The following MMP26 variants were observed in gnomAD, a reference collection of about 807,000 sequenced individuals.
MMP26 encodes matrix metallopeptidase 26.
Under a neutral mutation model 31.0 loss-of-function variants are expected in MMP26, and 33 were observed. The ratio of observed to expected loss-of-function variants is 1.06; its 90% confidence interval spans 0.81 to 1.42. MMP26 has a LOEUF of 1.42. Ranked by LOEUF, MMP26 falls within the 40% of genes most tolerant of loss-of-function variation. The pLI, the probability that MMP26 is intolerant of heterozygous loss-of-function variation, is 0.00. For missense variants in MMP26, 347 were observed against 316.1 expected (o/e 1.10, Z -0.74); for synonymous variants, 122 against 114.9 (o/e 1.06, Z -0.40).
rs531560127 is a variant in MMP26, at chr11:4,849,923, G to A, written c.-145+82582G>A. On this transcript the variant is annotated intron_variant, in intron 2 of 7. Transcript: ENST00000380390. ...GTATTTTGTTACATGCATAGAATGT[G>A]AAATGATAAAGTCAGGGTATTTAGG... Among the ~76,000 whole-genome samples, 6 of 152,214 alleles carry A rather than the reference G, an allele frequency of 3.9e-5. No homozygotes were observed. The East Asian group carries it at 1.2e-3, about 29-fold the overall frequency.
At chr11:4,879,722 C>T (rs1401039364) in intron 2 of MMP26, among the ~76,000 whole-genome samples, 8 of 152,028 alleles carry the variant, frequency 5.3e-5, no homozygotes, top group Non-Finnish European at 8.8e-5. Context: ...GTTACTTATG[C>T]GTAGAAGGTA....
chr11:4,739,315 G>T (rs770530433), intron 1 of MMP26, among the ~76,000 whole-genome samples: 1 of 151,996 alleles, frequency 6.6e-6, no homozygotes, highest in Non-Finnish European at 1.5e-5. Context: ...GAGTCTTATT[G>T]CCATGCAGGT....
At chr11:4,891,406 A>G (rs969967991) in intron 2 of MMP26, among the ~76,000 whole-genome samples, 16 of 152,138 alleles carry the variant, frequency 1.1e-4, no homozygotes, top group African/African-American at 3.9e-4. Flanking sequence ...CCCACTCACT[A>G]TCAAGAGGAC....
At chr11:4,837,438 C>T (rs1159720805) in intron 2 of MMP26, among the ~76,000 whole-genome samples, 1 of 152,068 alleles carries the variant, frequency 6.6e-6, no homozygotes, top group Non-Finnish European at 1.5e-5. Context: ...TCTCAAACTC[C>T]TGTACTTAAG....
At chr11:4,966,162 A>G (rs1846591778) in intron 2 of MMP26, among the ~76,000 whole-genome samples, 1 of 152,192 alleles carries the variant, frequency 6.6e-6, no homozygotes, top group Non-Finnish European at 1.5e-5. Flanking sequence ...GACAATAGCT[A>G]TGGGGGTGAC....
At chr11:4,965,857 T>A (rs1846585955) in intron 2 of MMP26, among the ~76,000 whole-genome samples, 1 of 152,208 alleles carries the variant, frequency 6.6e-6, no homozygotes, top group South Asian at 2.1e-4. Context: ...TATATGCAAA[T>A]TCACATCAAC....
intron 2 of MMP26, among the ~76,000 whole-genome samples, chr11:4,862,455 A>T (rs1850175604): frequency 6.6e-6 from 1 of 152,200 alleles, no homozygotes; most frequent in Admixed American, 6.5e-5. Context: ...AGAATCCCTC[A>T]AACTCTGTTC....
At chr11:4,965,829 A>C (rs1846585486) in intron 2 of MMP26, among the ~76,000 whole-genome samples, 1 of 152,204 alleles carries the variant, frequency 6.6e-6, no homozygotes, top group Admixed American at 6.5e-5. Context: ...CTACTGTGGA[A>C]GCATCCATTC....
chr11:4,811,315 A>C, intron 2 of MMP26, among the ~76,000 whole-genome samples: 1 of 152,170 alleles, frequency 6.6e-6, no homozygotes, highest in East Asian at 1.9e-4. Context: ...GTTGTTAAGT[A>C]CAGTACTCAA....
intron 2 of MMP26, among the ~76,000 whole-genome samples, chr11:4,978,623 A>G (rs767773499): frequency 1.3e-5 from 2 of 152,108 alleles, no homozygotes; most frequent in Non-Finnish European, 2.9e-5. Context: ...TTTTCCTCAT[A>G]TTAAAAAAAT....
chr11:4,834,203 G>A (rs867509480), intron 2 of MMP26, among the ~76,000 whole-genome samples: 9 of 152,110 alleles, frequency 5.9e-5, no homozygotes, highest in Non-Finnish European at 8.8e-5. Context: ...AAGGAGGTTC[G>A]TGAGATGTGG....
chr11:4,970,636 G>A (rs1371415791), intron 2 of MMP26, among the ~76,000 whole-genome samples: 1 of 152,314 alleles, frequency 6.6e-6, no homozygotes, highest in Non-Finnish European at 1.5e-5. Flanking sequence ...CTCCTTAGGG[G>A]CAAGTGCTAG....
intron 2 of MMP26, among the ~76,000 whole-genome samples, chr11:4,816,664 ATAAT>A (rs1010612491): frequency 2.0e-5 from 3 of 151,304 alleles, no homozygotes; most frequent in African/African-American, 4.8e-5. Context: ...ATGAAAGGAA[ATAAT>A]TGATTTTCTT....
intron 2 of MMP26, among the ~76,000 whole-genome samples, chr11:4,824,765 G>T (rs73403059): frequency 6.6e-6 from 1 of 152,018 alleles, no homozygotes; most frequent in Non-Finnish European, 1.5e-5. Flanking sequence ...TGAAACAACC[G>T]TCTCAGTAGT....
chr11:4,814,286 C>T (rs932233186), intron 2 of MMP26, among the ~76,000 whole-genome samples: 8 of 152,198 alleles, frequency 5.3e-5, no homozygotes, highest in East Asian at 1.9e-4. Context: ...CCACCAAAAA[C>T]GTCTAAAGAT....
At position 4,723,390 on chromosome 11, in the gene MMP26, C is replaced by T. The variant is rs569968915; in HGVS notation, c.-217+18345C>T. The T allele has an allele frequency of 1.9e-5, 18 of 944,784 alleles. No individual in the cohort carries two copies. The East Asian group carries it at 1.9e-4, about 10-fold the overall frequency. The allele number at this position is 944,784 out of a possible 1,614,324, so 58.5% of individuals were successfully genotyped here. A position where few individuals can be genotyped will look rare whatever the true frequency, so the allele number is the denominator to read the frequency against. The stretch of plus-strand genomic sequence containing the variant: ...TGCGGTTGGAGATCACCTTGTACTG[C>T]GCCTTGACCTCAGCGATAGTGTTGT... On this transcript the variant is annotated intron_variant, in intron 1 of 7. Coordinates refer to ENST00000380390, the MANE Select transcript of MMP26 (RefSeq NM_021801.5).
chr11:4,868,455 A>G (rs140645705), intron 2 of MMP26, among the ~76,000 whole-genome samples: 3 of 152,114 alleles, frequency 2.0e-5, no homozygotes, highest in African/African-American at 7.2e-5. Context: ...TCATGAGTTA[A>G]CTCACATTCA....
intron 2 of MMP26, among the ~76,000 whole-genome samples, chr11:4,960,366 T>C (rs1014664346): frequency 4.0e-5 from 6 of 151,736 alleles, no homozygotes; most frequent in Non-Finnish European, 7.4e-5. Context: ...TATTCTGTCT[T>C]AAGAAAGGTC....
chr11:4,885,132 C>A (rs1850530517), intron 2 of MMP26, among the ~76,000 whole-genome samples: 1 of 152,032 alleles, frequency 6.6e-6, no homozygotes, highest in South Asian at 2.1e-4. Context: ...ATATACTCCA[C>A]CCCTATGGTA....
Sources: gnomAD v4.1 joint callset for allele counts (sites outside exome capture counted in the v4.1 genomes callset) on GRCh38, gnomAD v4.1.1 for gene constraint, MANE v1.5 for transcripts, NCBI Gene and HGNC (gene_info 2026-07-23, HGNC 2026-07-21) for gene names.